Variants in SLC34A2 observed in about 807,000 individuals in gnomAD.
SLC34A2 encodes sodium-dependent phosphate transport protein 2B.
A neutral mutation model predicts 50.8 loss-of-function variants in SLC34A2; 41 were observed. That is an observed-to-expected ratio of 0.81 (90% CI 0.63 to 1.05). The LOEUF (loss-of-function observed/expected upper bound fraction) is 1.05. Ranked by LOEUF, SLC34A2 falls within the 50% of genes least tolerant of loss-of-function variation. The pLI, the probability that SLC34A2 is intolerant of heterozygous loss-of-function variation, is 0.00. For missense variants in SLC34A2, 879 were observed against 876.7 expected (o/e 1.00, Z -0.03); for synonymous variants, 401 against 364.2 (o/e 1.10, Z -1.15).
intron 3 of SLC34A2, among the ~76,000 whole-genome samples, chr4:25,663,382 G>A (rs1030264055): frequency 2.0e-5 from 3 of 152,200 alleles, no homozygotes; most frequent in Non-Finnish European, 4.4e-5. Context: ...TTCGCTGTGG[G>A]TGATGAGGTT....
In SLC34A2 at chr4:25,678,615, A is replaced by C; in HGVS notation, c.*1866A>C. ...AGGCTGGTCTCAAACTCCTGAGATCAAGCAATCCGCCCACCTCAGCCTCCC... is the reference window on the plus strand; with the variant it reads ...AGGCTGGTCTCAAACTCCTGAGATCCAGCAATCCGCCCACCTCAGCCTCCC... On this transcript the variant is annotated 3_prime_UTR_variant, in exon 13 of 13. Transcript: ENST00000382051. The C allele has an allele frequency of 3.3e-6, 1 of 304,566 alleles. No individual in the cohort carries two copies. The highest frequency in any genetic ancestry group is 1.1e-3 in the Middle Eastern group (1 of 930). 18.9% of individuals were successfully genotyped at this position (304,566 alleles called of 1,614,324 possible).
chr4:25,670,883 A>G, intron 8 of SLC34A2, 50 bp downstream of exon 8: 1 of 1,389,742 alleles, frequency 7.2e-7, no homozygotes, highest in Non-Finnish European at 1.0e-6. Context: ...TTTGCATCTG[A>G]ACATGAAACT....
chr4:25,663,837 C>T (rs1714339023), intron 3 of SLC34A2, among the ~76,000 whole-genome samples: 1 of 152,184 alleles, frequency 6.6e-6, no homozygotes. Context: ...TATCTCCGAC[C>T]CTGCACTTAG....
In SLC34A2 at chr4:25,676,678, A is replaced by AT. The variant is rs1715149439; in HGVS notation, c.2003dup (p.Thr669AsnfsTer3). ...CAAGGCTCCTGAGACCTTTGATAAC[A>AT]TAACCATTAGCAGAGAGGCTCAGGG... On this transcript the variant is annotated frameshift_variant, in exon 13 of 13. Transcript: ENST00000382051. LOFTEE classifies it low-confidence loss of function (END_TRUNC). 6.2e-7 allele frequency: 1 copy of AT among 1,614,070 alleles called. No individual in the cohort carries two copies. The highest frequency in any genetic ancestry group is 1.3e-5 in the African/African-American group (1 of 74,938).
Position 25,670,782 on chromosome 4 carries a change from A to G in SLC34A2, c.876A>G (p.Lys292=), listed in dbSNP as rs367869119. 2.5e-6 allele frequency: 4 copies of G among 1,614,118 alleles called. No individual in the cohort carries two copies. The highest frequency in any genetic ancestry group is 3.4e-6 in the Non-Finnish European group (4 of 1,179,948). The change falls in exon 8 of 13, where the codon AAA becomes AAG. Residue 292 remains lysine (K), a synonymous_variant. Transcript: ENST00000382051. The part of the protein sequence containing the change: ...VISQIAMNDE[K]AKNKSLVKIW... ...GCCAAATTGCAATGAACGATGAAAA[A>G]GCGAAAAACAAGAGTCTTGTCAAGA...
At chr4:25,671,792 G>A (rs1470222159) in intron 9 of SLC34A2, 71 bp downstream of exon 9, 6 of 1,607,758 alleles carry the variant, frequency 3.7e-6, no homozygotes, top group Non-Finnish European at 4.3e-6. Flanking sequence ...TCCGTGTGAA[G>A]TCCCAGTAAG....
chr4:25,664,351 G>A (rs1271124052), intron 4 of SLC34A2, 21 bp downstream of exon 4: 1 of 1,613,844 alleles, frequency 6.2e-7, no homozygotes, highest in South Asian at 1.1e-5. Flanking sequence ...AAGGGTGAGA[G>A]GTCTGCGGGT....
At position 25,676,386 on chromosome 4, in the gene SLC34A2, G is replaced by C. The variant is rs779003465; in HGVS notation, c.1710G>C (p.Leu570=). ...TCGTCTTCATCATCATCCTGGTACT[G>C]TGCCTCCGACTCCTGCAGTCTCGCT... The part of the protein sequence containing the change: ...VPVVFIIILV[L]CLRLLQSRCP... Residue 570 remains leucine, a synonymous_variant, in exon 13 of 13, where the codon CTG becomes CTC. Transcript: ENST00000382051. 2.5e-6 allele frequency: 4 copies of C among 1,614,140 alleles called. No homozygotes were observed. The highest frequency in any genetic ancestry group is 3.4e-6 in the Non-Finnish European group (4 of 1,180,014).
Position 25,671,673 on chromosome 4 carries a change from C to G in SLC34A2, c.1000C>G (p.Gln334Glu). ...TTCCCTCTGTTGGACGGATGGCATC[C>G]AAAACTGGACCATGAAGAATGTGAC... ...SPSLCWTDGI[Q>E]NWTMKNVTYK... is the part of the protein sequence containing the mutation. The change falls in exon 9 of 13, where the codon CAA becomes GAA. Residue 334 changes from glutamine (Q) to glutamate (E), a missense_variant. Coordinates refer to ENST00000382051, the MANE Select transcript of SLC34A2 (RefSeq NM_006424.3). 6.2e-7 allele frequency: 1 copy of G among 1,614,176 alleles called. No homozygotes were observed.
intron 12 of SLC34A2, among the ~76,000 whole-genome samples, chr4:25,675,646 T>C (rs577482062): frequency 3.6e-4 from 55 of 152,332 alleles, no homozygotes; most frequent in African/African-American, 1.2e-3. Context: ...CTGTCAAAAA[T>C]TGAGAGTCTT....
chr4:25,657,516 C>T lies in SLC34A2; in HGVS notation c.-4+1626C>T, dbSNP rs1713945848. ...CAAATTTAACTGCTTTAACCTCCCC[C>T]CCCAATACAATGCAGCACAACTGAT... On this transcript the variant is annotated intron_variant, in intron 1 of 12. Transcript: ENST00000382051. Among the ~76,000 whole-genome samples the T allele has an allele frequency of 2.0e-5, 3 of 152,112 alleles. No homozygotes were observed. The South Asian group carries it at 6.2e-4, about 32-fold the overall frequency.
At chr4:25,661,860 C>T (rs1488098032) in intron 1 of SLC34A2, among the ~76,000 whole-genome samples, 1 of 151,582 alleles carries the variant, frequency 6.6e-6, no homozygotes, top group Non-Finnish European at 1.5e-5. Flanking sequence ...AATGGGCTTG[C>T]ACCCTGCCTT....
intron 3 of SLC34A2, among the ~76,000 whole-genome samples, 162 bp from the exon 4 acceptor site, chr4:25,664,040 T>C (rs1714349681): frequency 6.6e-6 from 1 of 152,200 alleles, no homozygotes; most frequent in South Asian, 2.1e-4. Context: ...GATGGCTGCT[T>C]CCCATCTGTA....
intron 12 of SLC34A2, 28 bp downstream of exon 12, chr4:25,674,657 G>A (rs1715017801): frequency 1.2e-6 from 2 of 1,613,508 alleles, no homozygotes; most frequent in Non-Finnish European, 8.5e-7. Flanking sequence ...GGGGACAGGG[G>A]CCCTGGGAGT....
rs35948699 is a variant in SLC34A2, at chr4:25,669,641, C to A, written c.636-6C>A. ...TAATCTGGCTGTCGGGGTTTCCCTC[C>A]CATAGAGCTTTTGCAGGAGCCACTG... On this transcript the variant is annotated splice_polypyrimidine_tract_variant and splice_region_variant and intron_variant, in intron 6 of 12. Transcript: ENST00000382051. 6.6e-5 allele frequency: 106 copies of A among 1,613,446 alleles called. No individual in the cohort carries two copies. The highest frequency in any genetic ancestry group is 8.1e-5 in the Non-Finnish European group (96 of 1,179,992).
chr4:25,673,044 G>A (rs373478639), intron 9 of SLC34A2, 43 bp from the exon 10 acceptor site: 100 of 1,601,316 alleles, frequency 6.2e-5, no homozygotes, highest in Non-Finnish European at 8.0e-5. Context: ...TGTAGCCGTG[G>A]TGGCTCCATG....
chr4:25,672,703 T>A (rs546099740), intron 9 of SLC34A2, among the ~76,000 whole-genome samples: 3 of 152,084 alleles, frequency 2.0e-5, no homozygotes, highest in East Asian at 3.9e-4. Flanking sequence ...AGGGGCTTTA[T>A]AATTAGCAAT....
chr4:25,655,948 C>T (rs1713856949), intron 1 of SLC34A2, 58 bp downstream of exon 1: 1 of 152,258 alleles, frequency 6.6e-6, no homozygotes, highest in Admixed American at 6.5e-5. Flanking sequence ...CTTTGATTCA[C>T]TTAATTCTTG....
At chr4:25,661,787 G>C (rs1715886832) in intron 1 of SLC34A2, among the ~76,000 whole-genome samples, 1 of 152,124 alleles carries the variant, frequency 6.6e-6, no homozygotes, top group Non-Finnish European at 1.5e-5. Flanking sequence ...CTTGATATAA[G>C]AAGTAGATGG....
Sources: gnomAD v4.1 joint callset for allele counts (sites outside exome capture counted in the v4.1 genomes callset) on GRCh38, gnomAD v4.1.1 for gene constraint, MANE v1.5 for transcripts, NCBI Gene and HGNC (gene_info 2026-07-23, HGNC 2026-07-21) for gene names.